The following COL14A1 variants were observed in gnomAD, a reference collection of about 807,000 sequenced individuals.
COL14A1 encodes collagen alpha-1(XIV) chain.
In COL14A1, 136 loss-of-function variants were observed where a neutral mutation model predicts 230.3. The observed-to-expected ratio is 0.59, with a 90% CI of 0.51 to 0.68. The LOEUF is 0.68. Ranked by LOEUF, COL14A1 falls within the 30% of genes least tolerant of loss-of-function variation. The pLI, the probability that COL14A1 is intolerant of heterozygous loss-of-function variation, is 0.00. For synonymous variants in COL14A1, 792 were observed against 784.1 expected, an observed-to-expected ratio of 1.01 and a Z score of -0.17; for missense variants, 1,976 against 2,215.8, an observed-to-expected ratio of 0.89 and a Z score of 2.17.
Position 120,283,647 on chromosome 8 carries a change from C to T in COL14A1, c.3836C>T (p.Pro1279Leu), listed in dbSNP as rs1487890067. Residue 1279 changes from proline to leucine, a missense_variant, in exon 32 of 48, where the codon CCA becomes CTA. Physicochemically the swap from Pro to Leu is moderately conservative, Grantham distance 98 (BLOSUM62 -3). Coordinates refer to ENST00000297848, the MANE Select transcript of COL14A1 (RefSeq NM_021110.4). The part of the protein sequence containing the change: ...LVSQPTRYLH[P>L]EGLPSDYTIS... ...CTTTCTATGTTCAGGTACTTGCACCCAGAAGGATTGCCCTCCGACTACACA... is the reference window on the plus strand; with the variant it reads ...CTTTCTATGTTCAGGTACTTGCACCTAGAAGGATTGCCCTCCGACTACACA... The T allele has an allele frequency of 6.2e-7, 1 of 1,610,078 alleles. No individual in the cohort carries two copies. The highest frequency in any genetic ancestry group is 1.7e-5 in the Admixed American group (1 of 58,948).
At chr8:120,270,899 C>T (rs535624563) in intron 26 of COL14A1, among the ~76,000 whole-genome samples, 1 of 151,840 alleles carries the variant, frequency 6.6e-6, no homozygotes, top group South Asian at 2.1e-4. Context: ...ATAAATCATT[C>T]TACTGTAAAG....
intron 35 of COL14A1, among the ~76,000 whole-genome samples, chr8:120,298,183 G>T (rs1367891756): frequency 1.3e-4 from 19 of 151,772 alleles, no homozygotes; most frequent in Admixed American, 1.3e-3. Flanking sequence ...AGCTATATTT[G>T]TAAATTAGGG....
chr8:120,257,573 G>A (rs936685335), intron 23 of COL14A1, among the ~76,000 whole-genome samples: 1 of 152,100 alleles, frequency 6.6e-6, no homozygotes, highest in Non-Finnish European at 1.5e-5. Flanking sequence ...ATCTTATAGG[G>A]GAATGTGTTC....
At chr8:120,174,599 CGGA>C (rs992512131) in intron 5 of COL14A1, among the ~76,000 whole-genome samples, 2 of 152,090 alleles carry the variant, frequency 1.3e-5, no homozygotes, top group African/African-American at 4.8e-5. Flanking sequence ...CATATGTTTA[CGGA>C]GGAGTTCTTT....
At chr8:120,176,079 C>T (rs1045331011) in intron 5 of COL14A1, among the ~76,000 whole-genome samples, 15 of 152,138 alleles carry the variant, frequency 9.9e-5, no homozygotes, top group South Asian at 4.2e-4. Context: ...TTACTACATG[C>T]GTAAAATAGT....
At chr8:120,135,982 G>A (rs907979774) in intron 1 of COL14A1, among the ~76,000 whole-genome samples, 2 of 151,856 alleles carry the variant, frequency 1.3e-5, no homozygotes, top group Non-Finnish European at 2.9e-5. Context: ...TAAATTATTA[G>A]TTCAAGTAGG....
chr8:120,189,304 A>G (rs1816741615), intron 5 of COL14A1, among the ~76,000 whole-genome samples: 1 of 152,140 alleles, frequency 6.6e-6, no homozygotes, highest in African/African-American at 2.4e-5. Flanking sequence ...AGAGCTGCTA[A>G]CCTGGATTTA....
intron 5 of COL14A1, among the ~76,000 whole-genome samples, chr8:120,179,991 A>G (rs1214360780): frequency 6.6e-6 from 1 of 152,222 alleles, no homozygotes; most frequent in Non-Finnish European, 1.5e-5. Flanking sequence ...CTGGCTAGCC[A>G]TATGCAGAAA....
intron 36 of COL14A1, among the ~76,000 whole-genome samples, chr8:120,305,540 A>C (rs1367217426): frequency 1.3e-5 from 2 of 152,022 alleles, no homozygotes; most frequent in African/African-American, 4.8e-5. Context: ...TATATTTTAG[A>C]TATTTCTCTT....
chr8:120,209,682 ATTTC>A lies in COL14A1; in HGVS notation c.1322-71_1322-68del. 2.8e-6 allele frequency: 4 copies of A among 1,432,734 alleles called. No individual in the cohort carries two copies. The South Asian group carries it at 5.5e-5, about 20-fold the overall frequency. 88.8% of individuals were successfully genotyped at this position (1,432,734 alleles called of 1,614,324 possible). A position where few individuals can be genotyped will look rare whatever the true frequency, so the allele number is the denominator to read the frequency against. Reference sequence around the variant, plus strand: ...CTTCCCCTCAAATATGGTCAATCTTATTTCTTGATAATTTCATTTTTCTCAAGGA... The same window carrying A: ...CTTCCCCTCAAATATGGTCAATCTTATTGATAATTTCATTTTTCTCAAGGA... On this transcript the variant is annotated intron_variant, in intron 11 of 47. Transcript: ENST00000297848.
chr8:120,266,700 A>T (rs1424199606), intron 24 of COL14A1, 127 bp from the exon 25 acceptor site: 3 of 776,374 alleles, frequency 3.9e-6, no homozygotes, highest in Non-Finnish European at 6.5e-6. Flanking sequence ...TATAGTACTC[A>T]TTAAATTCTC....
At chr8:120,267,012 C>T (rs2031756645) in intron 25 of COL14A1, 129 bp downstream of exon 25, 4 of 761,490 alleles carry the variant, frequency 5.3e-6, no homozygotes, top group African/African-American at 3.5e-5. Context: ...CTCCTTAATA[C>T]AAATGCTTAT....
rs111328980 is a variant in COL14A1 at position 120,370,738 on chromosome 8, A to G, written c.5312-414A>G. ...TTCCTCCTTCCTCTCCCCACACAGG[A>G]TGGATGGGCATCTTTCTCCTTGACC... On this transcript the variant is annotated intron_variant, in intron 47 of 47. Coordinates refer to ENST00000297848, the MANE Select transcript of COL14A1 (RefSeq NM_021110.4). 288 of 1,388,858 alleles carry G rather than the reference A, an allele frequency of 2.1e-4. No individual in the cohort carries two copies. The African/African-American group carries it at 3.9e-3, about 19-fold the overall frequency. 86.0% of individuals were successfully genotyped at this position (1,388,858 alleles called of 1,614,324 possible).
chr8:120,260,933 C>T (rs1004003485), intron 23 of COL14A1, among the ~76,000 whole-genome samples: 1 of 152,148 alleles, frequency 6.6e-6, no homozygotes, highest in African/African-American at 2.4e-5. Flanking sequence ...GCAACGTCCT[C>T]TGAAACTGAG....
At chr8:120,302,980 A>G (rs1243018539) in intron 36 of COL14A1, among the ~76,000 whole-genome samples, 1 of 151,890 alleles carries the variant, frequency 6.6e-6, no homozygotes. Flanking sequence ...ATTCCTAGGT[A>G]TTTTATGCTT....
chr8:120,250,044 T>G (rs567990106), intron 21 of COL14A1, among the ~76,000 whole-genome samples: 5 of 152,264 alleles, frequency 3.3e-5, no homozygotes, highest in African/African-American at 1.2e-4. Flanking sequence ...CCCACTAGAT[T>G]GAAGAAGAGG....
At position 120,270,047 on chromosome 8, in the gene COL14A1, C is replaced by A; in HGVS notation, c.3086C>A (p.Ala1029Asp). The A allele has an allele frequency of 6.2e-7, 1 of 1,611,054 alleles. No individual in the cohort carries two copies. The highest frequency in any genetic ancestry group is 1.1e-5 in the South Asian group (1 of 90,918). Reference protein sequence around the residue: ...IPPAKEVCKAAKADLVFMVDG... With the variant: ...IPPAKEVCKADKADLVFMVDG... ...TGTTGGTCTTCAGTATGTAAGGCGG[C>A]CAAGGCTGACCTGGTATTTATGGTG... Residue 1029 changes from alanine to aspartate, a missense_variant, in exon 26 of 48, where the codon GCC becomes GAC. Transcript: ENST00000297848.
intron 31 of COL14A1, among the ~76,000 whole-genome samples, chr8:120,283,327 T>A (rs533343499): frequency 7.9e-5 from 12 of 152,284 alleles, no homozygotes; most frequent in South Asian, 4.1e-4. Context: ...GAGAAGTGAC[T>A]GATTAGGTAA....
At chr8:120,190,841 G>T (rs1816799160) in intron 5 of COL14A1, among the ~76,000 whole-genome samples, 2 of 152,038 alleles carry the variant, frequency 1.3e-5, no homozygotes, top group African/African-American at 4.8e-5. Flanking sequence ...TAGAGGTGTT[G>T]GTAGTATTCT....
Sources: allele counts gnomAD v4.1 joint callset (sites outside exome capture counted in the v4.1 genomes callset), GRCh38; gene constraint gnomAD v4.1.1; transcripts MANE v1.5; gene names NCBI Gene and HGNC (gene_info 2026-07-23, HGNC 2026-07-21).